Variants in AKNA observed in about 807,000 individuals in gnomAD.
AKNA encodes the protein microtubule organization protein AKNA.
In AKNA, 67 loss-of-function variants were observed where a neutral mutation model predicts 138.8. The ratio of observed to expected loss-of-function variants is 0.48; its 90% CI spans 0.40 to 0.59. The LOEUF (loss-of-function observed/expected upper bound fraction) is 0.59. Among genes scored for constraint, AKNA ranks in the 20% least tolerant of loss-of-function variants. The pLI is 0.00. For missense variants in AKNA, 1,813 were observed against 1,880.4 expected (o/e 0.96, Z 0.66); for synonymous variants, 737 against 754.4 (o/e 0.98, Z 0.38).
At chr9:114,333,950 C>T (rs1829907824), downstream of AKNA, among the ~76,000 whole-genome samples, 1 of 142,620 alleles carries the variant, frequency 7.0e-6, no homozygotes, top group Non-Finnish European at 1.5e-5. Context: ...ATGGTTTAGC[C>T]CCACCTCCCA....
At chr9:114,371,236 C>T (rs1219207287) in intron 4 of AKNA, among the ~76,000 whole-genome samples, 1 of 152,246 alleles carries the variant, frequency 6.6e-6, no homozygotes, top group Non-Finnish European at 1.5e-5. Context: ...ACTACCAAGT[C>T]TAGTTCTGCT....
rs375201643 is a variant in AKNA at position 114,361,824 on chromosome 9, C to T, written c.2004G>A (p.Pro668=). The T allele has an allele frequency of 9.9e-6, 16 of 1,613,292 alleles. 1 individual carries two copies. The highest frequency in any genetic ancestry group is 5.3e-5 in the African/African-American group (4 of 74,980). Residue 668 remains proline, a synonymous_variant, in exon 9 of 22, where the codon CCG becomes CCA. Transcript: ENST00000374088. ...TGTCCAGAGCTGAGTCTGACCCGGG[C>T]GGCTCAGGCTCTTGCTGGGTCTGGT... ...HIDQTQQEPE[P]PGSDSALDST... is the part of the protein sequence containing the mutation.
chr9:114,346,666 T>C lies in AKNA; in HGVS notation c.3514+3A>G. ...AAATCAGCCTTTGCAGGTGGTCACT[T>C]ACTCAGGGACAGTCGGAGCACCTCC... is the stretch of plus-strand genomic sequence containing the variant. On this transcript the variant is annotated splice_donor_region_variant and intron_variant, in intron 17 of 21. Coordinates refer to ENST00000374088, the MANE Select transcript of AKNA (RefSeq NM_001317950.2). The C allele has an allele frequency of 6.3e-7, 1 of 1,598,142 alleles. No individual in the cohort carries two copies. The highest frequency in any genetic ancestry group is 8.5e-7 in the Non-Finnish European group (1 of 1,171,904).
In AKNA at chr9:114,345,866, T is replaced by A; in HGVS notation, c.3658A>T (p.Thr1220Ser). Residue 1220 changes from threonine to serine, a missense_variant, in exon 18 of 22, where the codon ACA becomes TCA. Transcript: ENST00000374088. The part of the protein sequence containing the change: ...PDRVTFRGQY[T>S]GHEYHVLSPK... ...CCGGCCCTCCCTCCTGACCTACCTG[T>A]GTATTGGCCCCGGAAGGTGACCCTG... The A allele has an allele frequency of 3.1e-6, 5 of 1,614,052 alleles. No homozygotes were observed. The highest frequency in any genetic ancestry group is 1.1e-5 in the South Asian group (1 of 91,076).
rs915107255 is a variant in AKNA at position 114,336,923 on chromosome 9, T to C, written c.*131A>G. The C allele has an allele frequency of 4.2e-6, 5 of 1,202,216 alleles. No individual in the cohort carries two copies. The highest frequency in any genetic ancestry group is 5.5e-6 in the Non-Finnish European group (5 of 907,730). 74.5% of individuals were successfully genotyped at this position (1,202,216 alleles called of 1,614,324 possible). A position where few individuals can be genotyped will look rare whatever the true frequency, so the allele number is the denominator to read the frequency against. ...GCACAGGGACTGAGCAGGCGGGACCTGTGCTGGAGGGAGACCCTCCTGGTG... is the reference window on the plus strand; with the variant it reads ...GCACAGGGACTGAGCAGGCGGGACCCGTGCTGGAGGGAGACCCTCCTGGTG... On this transcript the variant is annotated 3_prime_UTR_variant, in exon 22 of 22. Coordinates refer to ENST00000374088, the MANE Select transcript of AKNA (RefSeq NM_001317950.2).
chr9:114,381,473 C>T (rs980174905), intron 1 of AKNA, 27 bp from the exon 2 acceptor site: 1 of 1,407,854 alleles, frequency 7.1e-7, no homozygotes. Context: ...CAAGAGAGAA[C>T]ATTAATCAAT....
At chr9:114,366,648 G>A (rs560534851) in intron 6 of AKNA, among the ~76,000 whole-genome samples, 1 of 146,742 alleles carries the variant, frequency 6.8e-6, no homozygotes, top group South Asian at 2.3e-4. Flanking sequence ...TTATATTTCA[G>A]TAAAGCAAGG....
chr9:114,345,311 C>T (rs936827998), intron 18 of AKNA: 1 of 152,164 alleles, frequency 6.6e-6, no homozygotes, highest in African/African-American at 2.4e-5. Context: ...AACTACTGAT[C>T]TCAGGTGATT....
In AKNA at chr9:114,337,398, C is replaced by T. The variant is rs563455481; in HGVS notation, c.4068-92G>A. On this transcript the variant is annotated intron_variant, in intron 21 of 21. Coordinates refer to ENST00000374088, the MANE Select transcript of AKNA (RefSeq NM_001317950.2). The stretch of plus-strand genomic sequence containing the variant: ...GTGTGGGGTCAACCCCCTTCTAAAT[C>T]CCAGCTGGGCCAGTGGCTCCTACTC... 2.4e-4 allele frequency: 307 copies of T among 1,294,966 alleles called. No individual in the cohort carries two copies. The African/African-American group carries it at 3.4e-3, about 14-fold the overall frequency. 80.2% of individuals were successfully genotyped at this position (1,294,966 alleles called of 1,614,324 possible).
intron 2 of AKNA, among the ~76,000 whole-genome samples, chr9:114,378,083 A>G (rs142157817): frequency 1.3e-5 from 2 of 152,268 alleles, no homozygotes; most frequent in African/African-American, 2.4e-5. Context: ...AACCTTCACT[A>G]TGGTCCTAAG....
intron 6 of AKNA, 152 bp downstream of exon 6, chr9:114,367,391 G>A: frequency 1.1e-6 from 1 of 906,968 alleles, no homozygotes; most frequent in East Asian, 2.7e-5. Flanking sequence ...CCAGGGAGGG[G>A]CTCATGTTTT....
intron 18 of AKNA, chr9:114,345,650 G>T (rs1174257286): frequency 4.9e-5 from 26 of 527,488 alleles, no homozygotes; most frequent in Non-Finnish European, 3.3e-6. Flanking sequence ...GGAAGCATCA[G>T]AAAGTGTTTG....
At chr9:114,377,763 T>A (rs1477350400) in intron 2 of AKNA, 1 of 562,678 alleles carries the variant, frequency 1.8e-6, no homozygotes, top group Non-Finnish European at 3.1e-6. Flanking sequence ...GTCCCTCCAG[T>A]GTCTCCCATC....
intron 21 of AKNA, among the ~76,000 whole-genome samples, 163 bp from the exon 22 acceptor site, chr9:114,337,469 A>T (rs753006789): frequency 1.3e-4 from 20 of 152,174 alleles, no homozygotes; most frequent in Non-Finnish European, 2.2e-4. Context: ...TAATGGGCAC[A>T]CATCCAGGGA....
At chr9:114,380,705 C>T (rs903144854) in intron 2 of AKNA, among the ~76,000 whole-genome samples, 1 of 151,764 alleles carries the variant, frequency 6.6e-6, no homozygotes, top group Admixed American at 6.6e-5. Flanking sequence ...GTGTGATGGC[C>T]GGGCTTATGC....
chr9:114,355,247 C>T (rs1431795920), intron 14 of AKNA, among the ~76,000 whole-genome samples: 1 of 151,118 alleles, frequency 6.6e-6, no homozygotes, highest in African/African-American at 2.4e-5. Context: ...ACGATTGCAG[C>T]TCACTGCAAC....
At chr9:114,331,749 C>G (rs1829857003), downstream of AKNA, 1 of 1,577,842 alleles carries the variant, frequency 6.3e-7, no homozygotes, top group African/African-American at 1.4e-5. Flanking sequence ...CTGGGCTGGC[C>G]CCTAGAACCC....
At chr9:114,354,149 TTC>T (rs1354078155) in intron 14 of AKNA, among the ~76,000 whole-genome samples, 2 of 152,222 alleles carry the variant, frequency 1.3e-5, no homozygotes, top group Non-Finnish European at 2.9e-5. Flanking sequence ...AAAAAATATT[TTC>T]TTTCTTGATA....
At chr9:114,347,469 C>T (rs1357819916) in intron 16 of AKNA, among the ~76,000 whole-genome samples, 1 of 152,168 alleles carries the variant, frequency 6.6e-6, no homozygotes, top group African/African-American at 2.4e-5. Flanking sequence ...CTTCCCGCCT[C>T]GGCCTCCCAA....
Sources: gnomAD v4.1 joint callset for allele counts (sites outside exome capture counted in the v4.1 genomes callset) on GRCh38, gnomAD v4.1.1 for gene constraint, MANE v1.5 for transcripts, NCBI Gene and HGNC (gene_info 2026-07-23, HGNC 2026-07-21) for gene names.